SCFD1: variants seen among roughly 807,000 people sequenced by gnomAD.
SCFD1 encodes the protein sec1 family domain containing 1.
A neutral mutation model predicts 103.2 loss-of-function variants in SCFD1; 37 were observed. The observed-to-expected ratio is 0.36, with a 90% CI of 0.28 to 0.47. The LOEUF (loss-of-function observed/expected upper bound fraction) is 0.47. Ranked by LOEUF, SCFD1 falls within the 20% of genes least tolerant of loss-of-function variation. SCFD1 has a pLI of 1.00. For synonymous variants in SCFD1, 264 were observed against 245.0 expected (o/e 1.08, Z -0.73); for missense variants, 639 against 761.2 (o/e 0.84, Z 1.89).
intron 16 of SCFD1, among the ~76,000 whole-genome samples, chr14:30,701,613 A>G (rs963612590): frequency 1.3e-5 from 2 of 152,160 alleles, no homozygotes; most frequent in Admixed American, 1.3e-4. Flanking sequence ...GGGTATTCTA[A>G]TAGCCTAATT....
chr14:30,707,883 A>G, intron 18 of SCFD1, 107 bp from the exon 19 acceptor site: 2 of 817,800 alleles, frequency 2.4e-6, no homozygotes, highest in Non-Finnish European at 4.4e-6. Flanking sequence ...GGTGGTAGGT[A>G]CAGCGAGCAT....
intron 4 of SCFD1, among the ~76,000 whole-genome samples, chr14:30,637,606 A>G (rs965787673): frequency 2.6e-5 from 4 of 152,152 alleles, no homozygotes; most frequent in African/African-American, 4.8e-5. Context: ...TTCGATATCT[A>G]TTTGCTAAAA....
chr14:30,677,625 T>G (rs1889129429), intron 14 of SCFD1, among the ~76,000 whole-genome samples: 1 of 151,870 alleles, frequency 6.6e-6, no homozygotes, highest in Non-Finnish European at 1.5e-5. Context: ...TTACAGAATT[T>G]CTTATAACTT....
chr14:30,703,610 A>G (rs560037204), intron 17 of SCFD1, among the ~76,000 whole-genome samples: 46 of 150,810 alleles, frequency 3.1e-4, no homozygotes, highest in Non-Finnish European at 5.9e-4. Flanking sequence ...AGGCTTTCTG[A>G]TCACAATTAC....
rs1475405319 is a variant in SCFD1 at position 30,691,491 on chromosome 14, A to G, written c.1243-3282A>G. On this transcript the variant is annotated intron_variant, in intron 14 of 24. Coordinates refer to ENST00000458591, the MANE Select transcript of SCFD1 (RefSeq NM_016106.4). ...ATGATAGGTGCCTTGAAGAGATACTAGTTCTCTTATGCAGGTTAGAAAATC... is the reference window on the plus strand; with the variant it reads ...ATGATAGGTGCCTTGAAGAGATACTGGTTCTCTTATGCAGGTTAGAAAATC... 1.5e-4 allele frequency among the ~76,000 whole-genome samples: 23 copies of G among 152,278 alleles called. No homozygotes were observed. The East Asian group carries it at 4.2e-3, about 28-fold the overall frequency.
At chr14:30,627,661 T>G (rs1372124897) in intron 1 of SCFD1, among the ~76,000 whole-genome samples, 2 of 150,166 alleles carry the variant, frequency 1.3e-5, no homozygotes, top group Admixed American at 1.3e-4. Context: ...CAGAACTGCT[T>G]GAACCTGGGA....
intron 14 of SCFD1, among the ~76,000 whole-genome samples, chr14:30,675,713 T>G (rs1182387020): frequency 6.6e-6 from 1 of 152,208 alleles, no homozygotes; most frequent in Non-Finnish European, 1.5e-5. Context: ...TGGCTAATAT[T>G]GACCCCTCCT....
chr14:30,639,180 A>AT (rs1297482069), intron 5 of SCFD1, among the ~76,000 whole-genome samples: 1 of 151,940 alleles, frequency 6.6e-6, no homozygotes, highest in Non-Finnish European at 1.5e-5. Context: ...CACCCAGCTA[A>AT]TTTTTTTAAT....
At chr14:30,695,982 G>A (rs1052118241) in intron 15 of SCFD1, among the ~76,000 whole-genome samples, 3 of 152,134 alleles carry the variant, frequency 2.0e-5, no homozygotes, top group Non-Finnish European at 4.4e-5. Flanking sequence ...TAGAGTCTTA[G>A]TCTCTGAAAT....
At chr14:30,729,750 C>T (rs1198426836) in intron 23 of SCFD1, among the ~76,000 whole-genome samples, 8 of 152,100 alleles carry the variant, frequency 5.3e-5, no homozygotes, top group Non-Finnish European at 1.2e-4. Flanking sequence ...GTATTTTCAT[C>T]TTAATGTTAA....
In SCFD1 at chr14:30,643,466, T is replaced by C; in HGVS notation, c.613+61T>C. 2.7e-6 allele frequency: 3 copies of C among 1,108,184 alleles called. No individual in the cohort carries two copies. The South Asian group carries it at 3.7e-5, about 14-fold the overall frequency. 68.6% of individuals were successfully genotyped at this position (1,108,184 alleles called of 1,614,324 possible). A position where few individuals can be genotyped will look rare whatever the true frequency, so the allele number is the denominator to read the frequency against. ...TAAATTATTTAACAAGTAATTTTAA[T>C]GTATTACACTGTAATGTGATTCGTT... On this transcript the variant is annotated intron_variant, in intron 7 of 24. Coordinates refer to ENST00000458591, the MANE Select transcript of SCFD1 (RefSeq NM_016106.4).
chr14:30,692,604 G>A (rs1449119622), intron 14 of SCFD1, among the ~76,000 whole-genome samples: 1 of 152,162 alleles, frequency 6.6e-6, no homozygotes, highest in Non-Finnish European at 1.5e-5. Flanking sequence ...AGAATTAAAA[G>A]CAAACACAGT....
At chr14:30,683,921 A>G (rs1281442592) in intron 14 of SCFD1, among the ~76,000 whole-genome samples, 1 of 152,208 alleles carries the variant, frequency 6.6e-6, no homozygotes, top group East Asian at 1.9e-4. Context: ...AAAGCCAAGA[A>G]GTGTCACTCT....
chr14:30,630,359 A>G (rs930852582), intron 2 of SCFD1, 118 bp from the exon 3 acceptor site: 75 of 682,228 alleles, frequency 1.1e-4, no homozygotes, highest in Non-Finnish European at 1.8e-4. Flanking sequence ...AAATTGAGGC[A>G]AGGATAACAA....
At chr14:30,726,124 A>G (rs554984580) in intron 23 of SCFD1, among the ~76,000 whole-genome samples, 26 of 152,154 alleles carry the variant, frequency 1.7e-4, no homozygotes, top group Non-Finnish European at 3.2e-4. Flanking sequence ...CATCTTTTAC[A>G]TTATATAACA....
intron 19 of SCFD1, among the ~76,000 whole-genome samples, chr14:30,710,655 A>C (rs1891807721): frequency 6.6e-6 from 1 of 152,182 alleles, no homozygotes; most frequent in African/African-American, 2.4e-5. Context: ...AAATATTACC[A>C]AATTATCCTC....
rs1292483076 is a variant in SCFD1, at chr14:30,624,978, C to T, written c.61+2579C>T. On this transcript the variant is annotated intron_variant, in intron 1 of 24. Coordinates refer to ENST00000458591, the MANE Select transcript of SCFD1 (RefSeq NM_016106.4). ...AATGTTACCTTCTCAGGAGGCTTTC[C>T]CCAATTATTCTGTTTAAAATTACAC... Among the ~76,000 whole-genome samples the T allele has an allele frequency of 2.6e-5, 4 of 152,300 alleles. No homozygotes were observed. In the East Asian group the frequency reaches 7.7e-4, roughly 29 times the overall value.
intron 23 of SCFD1, among the ~76,000 whole-genome samples, chr14:30,724,972 G>C (rs1224048755): frequency 2.6e-5 from 4 of 151,116 alleles, no homozygotes; most frequent in Non-Finnish European, 5.9e-5. Context: ...TGTCAGGTTT[G>C]TCGAAGATCA....
intron 7 of SCFD1, among the ~76,000 whole-genome samples, chr14:30,644,400 T>G (rs993691097): frequency 6.6e-6 from 1 of 152,242 alleles, no homozygotes; most frequent in African/African-American, 2.4e-5. Context: ...GTAGTTCTGT[T>G]TTAAGTTCTT....
Sources: gnomAD v4.1 joint callset for allele counts (sites outside exome capture counted in the v4.1 genomes callset) on GRCh38, gnomAD v4.1.1 for gene constraint, MANE v1.5 for transcripts, NCBI Gene and HGNC (gene_info 2026-07-23, HGNC 2026-07-21) for gene names.